Variants in NDE1 observed in about 807,000 individuals in gnomAD.
NDE1 encodes nudE neurodevelopment protein 1, also known as nuclear distribution protein nudE homolog 1.
NDE1 carries 28 observed loss-of-function variants against 43.4 expected under a neutral mutation model. The observed-to-expected ratio is 0.65, with a 90% CI of 0.48 to 0.89. The LOEUF is 0.89. Ranked by LOEUF, NDE1 falls within the 40% of genes least tolerant of loss-of-function variation. The probability of loss-of-function intolerance (pLI) is 0.00; values close to 1 mark genes in which losing one functional copy is unlikely to be tolerated. For synonymous variants in NDE1, 184 were observed against 172.0 expected (o/e 1.07, Z -0.55); for missense variants, 441 against 434.1 (o/e 1.02, Z -0.14).
intron 7 of NDE1, chr16:15,695,631 T>G: frequency 7.1e-6 from 7 of 985,366 alleles, no homozygotes; most frequent in Non-Finnish European, 8.4e-6. Flanking sequence ...TTTTTAAAAA[T>G]GATGCCTAGA....
At chr16:15,716,821 AT>A (rs1473960808) in intron 8 of NDE1, among the ~76,000 whole-genome samples, 1 of 152,132 alleles carries the variant, frequency 6.6e-6, no homozygotes, top group African/African-American at 2.4e-5. Context: ...GCCTGGTTGG[AT>A]TTTTGATCTG....
chr16:15,670,668 A>AG (rs1022573232), intron 3 of NDE1, among the ~76,000 whole-genome samples: 1 of 150,598 alleles, frequency 6.6e-6, no homozygotes, highest in African/African-American at 2.5e-5. Flanking sequence ...AAAAAAAAAA[A>AG]AAAAGAAAGA....
In NDE1 at chr16:15,718,324, G is replaced by A. The variant is rs2151201141; in HGVS notation, c.948-5867G>A. 6.2e-7 allele frequency: 1 copy of A among 1,609,196 alleles called. No homozygotes were observed. The highest frequency in any genetic ancestry group is 8.5e-7 in the Non-Finnish European group (1 of 1,179,976). ...TCCAGGCGGCCCTCACCTGCTGTGT[G>A]GCTTTGCGGACCCGGTCGCTCATGG... On this transcript the variant is annotated intron_variant, in intron 8 of 8. Transcript: ENST00000396354.
intron 1 of NDE1, among the ~76,000 whole-genome samples, chr16:15,655,041 CAG>C: frequency 6.6e-6 from 1 of 151,938 alleles, no homozygotes; most frequent in Non-Finnish European, 1.5e-5. Flanking sequence ...TTTTTTGAGA[CAG>C]AGTCTTGCTC....
Position 15,691,278 on chromosome 16 carries a change from C to G in NDE1, c.658C>G (p.Arg220Gly), listed in dbSNP as rs576928842. Reference protein sequence around the residue: ...GSVPSTPIAHRGPSSSLNTPG... With the variant: ...GSVPSTPIAHGGPSSSLNTPG... Reference sequence around the variant, plus strand: ...CGTGCCGTCCACGCCCATTGCTCACCGAGGACCCAGCTCAAGTTTAAACAC... The same window carrying G: ...CGTGCCGTCCACGCCCATTGCTCACGGAGGACCCAGCTCAAGTTTAAACAC... The change falls in exon 6 of 9, where the codon CGA (arginine) becomes GGA (glycine). Residue 220 changes from arginine (R) to glycine (G), a missense_variant. Transcript: ENST00000396354. 37 of 1,614,110 alleles carry G rather than the reference C, an allele frequency of 2.3e-5. No homozygotes were observed. Among genetic ancestry groups the G allele is most frequent in the Admixed American group, 1.8e-4 (11 of 59,994 alleles).
chr16:15,694,467 T>C, intron 7 of NDE1: 1 of 1,339,094 alleles, frequency 7.5e-7, no homozygotes, highest in Admixed American at 2.1e-5. Flanking sequence ...CACCTTAGCT[T>C]CCCGAGGAGC....
chr16:15,649,874 G>T (rs575454721), upstream of NDE1, among the ~76,000 whole-genome samples: 3 of 152,336 alleles, frequency 2.0e-5, no homozygotes, highest in South Asian at 6.2e-4. Context: ...TTCTGATTTG[G>T]AGAAAGTGCA....
At position 15,674,002 on chromosome 16, in the gene NDE1, G is replaced by A. The variant is rs201410547; in HGVS notation, c.238-3799G>A. ...TTGATTCTGGGCTAGTTAAGTAATT[G>A]AGTCTCAGTGTTCATGTCTCTGAAG... On this transcript the variant is annotated intron_variant, in intron 3 of 8. Coordinates refer to ENST00000396354, the MANE Select transcript of NDE1 (RefSeq NM_017668.3). Among the ~76,000 whole-genome samples the A allele has an allele frequency of 2.2e-4, 33 of 152,256 alleles. No individual in the cohort carries two copies. The East Asian group carries it at 6.4e-3, about 29-fold the overall frequency.
intron 8 of NDE1, chr16:15,717,432 TGGCCTCTGCACGA>T: frequency 6.9e-7 from 1 of 1,454,506 alleles, no homozygotes; most frequent in Admixed American, 1.8e-5. Flanking sequence ...CTGCCTTGTT[TGGCCTCTGCACGA>T]GTCCCTTGAT....
At chr16:15,713,204 A>T (rs369794522) in intron 8 of NDE1, 1 of 152,050 alleles carries the variant, frequency 6.6e-6, no homozygotes. Flanking sequence ...GTCGGGTCCA[A>T]TGGAGGTGTT....
At chr16:15,721,807 A>C in intron 8 of NDE1, 1 of 675,390 alleles carries the variant, frequency 1.5e-6, no homozygotes, top group Non-Finnish European at 2.6e-6. Flanking sequence ...TGACTTCTAC[A>C]TCAACCTTAT....
chr16:15,654,967 G>C (rs141162346), intron 1 of NDE1, among the ~76,000 whole-genome samples: 2 of 151,982 alleles, frequency 1.3e-5, no homozygotes, highest in East Asian at 3.9e-4. Flanking sequence ...CATGTTGCCT[G>C]CTTTCTGCCA....
At position 15,725,846 on chromosome 16, in the gene NDE1, C is replaced by T. The variant is rs2040726741; in HGVS notation, c.*1595C>T. 1.0e-5 allele frequency: 4 copies of T among 396,062 alleles called. No homozygotes were observed. Among genetic ancestry groups the T allele is most frequent in the Non-Finnish European group, 1.8e-5 (4 of 224,880 alleles). 24.5% of individuals were successfully genotyped at this position (396,062 alleles called of 1,614,324 possible). On this transcript the variant is annotated 3_prime_UTR_variant, in exon 9 of 9. Coordinates refer to ENST00000396354, the MANE Select transcript of NDE1 (RefSeq NM_017668.3). ...CATGTCATTCAGCAGCTTAAAACCC[C>T]TCAACAGCTTCACATTGCCCAGAGT...
chr16:15,701,237 C>CAAAAAAA (rs34788809), intron 8 of NDE1: 1 of 136,716 alleles, frequency 7.3e-6, no homozygotes, highest in Admixed American at 7.3e-5. Context: ...ACTCCGTCTC[C>CAAAAAAA]AAAAAAAAAA....
chr16:15,676,868 G>T (rs2037908080), intron 3 of NDE1, among the ~76,000 whole-genome samples: 1 of 152,184 alleles, frequency 6.6e-6, no homozygotes, highest in Non-Finnish European at 1.5e-5. Context: ...CACTCTGTGA[G>T]CCGGGCTGGT....
At chr16:15,715,450 A>C (rs1421896549) in intron 8 of NDE1, among the ~76,000 whole-genome samples, 2 of 152,210 alleles carry the variant, frequency 1.3e-5, no homozygotes, top group Admixed American at 1.3e-4. Context: ...GTATCAATGC[A>C]TGCCACAGCA....
At chr16:15,707,571 G>C (rs952082971) in intron 8 of NDE1, among the ~76,000 whole-genome samples, 4 of 152,112 alleles carry the variant, frequency 2.6e-5, no homozygotes, top group African/African-American at 9.7e-5. Context: ...CTCACCCTGC[G>C]CTTTAAGTAT....
Position 15,724,190 on chromosome 16 carries a change from G to T in NDE1, c.948-1G>T. 6.2e-7 allele frequency: 1 copy of T among 1,614,026 alleles called. No individual in the cohort carries two copies. Among genetic ancestry groups the T allele is most frequent in the Non-Finnish European group, 8.5e-7 (1 of 1,180,048 alleles). The stretch of plus-strand genomic sequence containing the variant: ...TCAAATTTCCTCTGCTTCTTTTCCA[G>T]GTTGGACACGAGTTGCCGCTGGTTG... On this transcript the variant is annotated splice_acceptor_variant, in intron 8 of 8. Transcript: ENST00000396354. LOFTEE classifies it high-confidence loss of function.
chr16:15,646,008 A>G (rs1434919213), upstream of NDE1, among the ~76,000 whole-genome samples: 3 of 152,254 alleles, frequency 2.0e-5, no homozygotes, highest in Non-Finnish European at 2.9e-5. Flanking sequence ...AAAAAGAACA[A>G]GAAAAACATT....
Sources: gnomAD v4.1 joint callset for allele counts (sites outside exome capture counted in the v4.1 genomes callset) on GRCh38, gnomAD v4.1.1 for gene constraint, MANE v1.5 for transcripts, NCBI Gene and HGNC (gene_info 2026-07-23, HGNC 2026-07-21) for gene names.